RASGRP2: variants seen among roughly 807,000 people sequenced by gnomAD.
RASGRP2 encodes the protein RAS guanyl releasing protein 2, also known as RAS guanyl-releasing protein 2.
In RASGRP2, 44 loss-of-function variants were observed where a neutral mutation model predicts 71.0. The observed-to-expected ratio is 0.62, with a 90% confidence interval of 0.49 to 0.80. The LOEUF is 0.80. Ranked by LOEUF, RASGRP2 falls within the 30% of genes least tolerant of loss-of-function variation. The pLI is 0.00. For synonymous variants in RASGRP2, 350 were observed against 330.7 expected, an observed-to-expected ratio of 1.06 and a Z score of -0.63; for missense variants, 663 against 813.4, an observed-to-expected ratio of 0.82 and a Z score of 2.25.
intron 15 of RASGRP2, among the ~76,000 whole-genome samples, chr11:64,727,920 AT>A (rs2057626382): frequency 1.3e-5 from 2 of 152,182 alleles, no homozygotes; most frequent in Non-Finnish European, 2.9e-5. Context: ...TTTTGTGTGT[AT>A]TTCACATTTT....
Position 64,743,889 on chromosome 11 carries a change from C to T in RASGRP2, c.-72+114G>A. 5.4e-6 allele frequency: 4 copies of T among 740,764 alleles called. No individual in the cohort carries two copies. Among genetic ancestry groups the T allele is most frequent in the Non-Finnish European group, 6.8e-6 (4 of 591,140 alleles). The allele number at this position is 740,764 out of a possible 1,614,324, so 45.9% of individuals were successfully genotyped here. On this transcript the variant is annotated intron_variant, in intron 1 of 16. Coordinates refer to ENST00000394432, the MANE Select transcript of RASGRP2 (RefSeq NM_001098671.2). This position sits in a 1 kb window ranked among gnomAD's most constrained non-coding sequence, Gnocchi z 4.9. Reference sequence around the variant, plus strand: ...GGGACCTAAGTGGAGGTGCAGGCGTCCGCACTTACACGCACCGGGCCACAG... The same window carrying T: ...GGGACCTAAGTGGAGGTGCAGGCGTTCGCACTTACACGCACCGGGCCACAG...
chr11:64,739,756 G>C lies in RASGRP2; in HGVS notation c.576C>G (p.Val192=), dbSNP rs1337166384. The C allele has an allele frequency of 1.2e-6, 2 of 1,613,824 alleles. No homozygotes were observed. Among genetic ancestry groups the C allele is most frequent in the African/African-American group, 2.7e-5 (2 of 74,902 alleles). The part of the protein sequence containing the change: ...VTHGCTVDNP[V]LERFISLFNS... ...TGAAGAGGGAGATGAACCGCTCCAGGACGGGGTTGTCCACAGTGCAGCCAT... is the reference window on the plus strand; with the variant it reads ...TGAAGAGGGAGATGAACCGCTCCAGCACGGGGTTGTCCACAGTGCAGCCAT... The change falls in exon 7 of 17, where the codon GTC becomes GTG. Residue 192 remains valine, a synonymous_variant. Transcript: ENST00000394432. This position sits in a 1 kb window ranked among gnomAD's most constrained non-coding sequence, Gnocchi z 4.2.
chr11:64,741,175 A>G, intron 4 of RASGRP2, 96 bp from the exon 5 acceptor site: 1 of 1,468,654 alleles, frequency 6.8e-7, no homozygotes, highest in Non-Finnish European at 9.3e-7. Context: ...CTAAGCAAAA[A>G]GACCCTCAAA....
rs1338340813 is a variant in RASGRP2, at chr11:64,736,943, G to A, written c.905C>T (p.Pro302Leu). 1.2e-5 allele frequency: 20 copies of A among 1,613,920 alleles called. No individual in the cohort carries two copies. The highest frequency in any genetic ancestry group is 1.4e-5 in the Non-Finnish European group (17 of 1,180,038). ...GTCCTTGAGGTGCACACCCAGGATC[G>A]GGAAGCGGAAGCCCACACAGGCTGC... ...RLAACVGFRF[P>L]ILGVHLKDLV... The change falls in exon 9 of 17, where the codon CCG (proline) becomes CTG (leucine). Residue 302 changes from proline (P) to leucine (L), a missense_variant. Transcript: ENST00000394432.
chr11:64,731,296 C>T (rs1196090961), intron 12 of RASGRP2, among the ~76,000 whole-genome samples: 1 of 150,108 alleles, frequency 6.7e-6, no homozygotes, highest in Non-Finnish European at 1.5e-5. Flanking sequence ...GTGGAGGTTG[C>T]AGCGAGCCAA....
chr11:64,740,962 G>A lies in RASGRP2; in HGVS notation c.357C>T (p.Ile119=), dbSNP rs1261087127. 1.9e-6 allele frequency: 3 copies of A among 1,613,532 alleles called. No homozygotes were observed. The highest frequency in any genetic ancestry group is 4.5e-5 in the East Asian group (2 of 44,870). Residue 119 remains isoleucine (I), a synonymous_variant, in exon 5 of 17, where the codon ATC becomes ATT. Transcript: ENST00000394432. ...QEGNRRHSSL[I]DIDSVPTYKW... ...CCCCCACGCACACGCTGTCTATGTC[G>A]ATTAGGCTGCTGTGCCGTCGGTTCC...
At position 64,737,001 on chromosome 11, in the gene RASGRP2, T is replaced by TCG; in HGVS notation, c.845_846dup (p.Thr283ArgfsTer53). 1 of 1,613,862 alleles carries TCG rather than the reference T, an allele frequency of 6.2e-7. No individual in the cohort carries two copies. Among genetic ancestry groups the TCG allele is most frequent in the Non-Finnish European group, 8.5e-7 (1 of 1,180,010 alleles). ...CGCCGGTAGTTGCCATAGTTGCCTGTCGCCGTCACTAGTTCCGTGAGACCC... is the reference window on the plus strand; with the variant it reads ...CGCCGGTAGTTGCCATAGTTGCCTGTCGCGCCGTCACTAGTTCCGTGAGACCC... On this transcript the variant is annotated frameshift_variant, in exon 9 of 17. Coordinates refer to ENST00000394432, the MANE Select transcript of RASGRP2 (RefSeq NM_001098671.2). LOFTEE classifies it high-confidence loss of function.
At position 64,743,058 on chromosome 11, in the gene RASGRP2, G is replaced by C; in HGVS notation, c.-71-121C>G. 8.7e-7 allele frequency: 1 copy of C among 1,143,222 alleles called. No homozygotes were observed. The highest frequency in any genetic ancestry group is 1.3e-5 in the South Asian group (1 of 75,676). 70.8% of individuals were successfully genotyped at this position (1,143,222 alleles called of 1,614,324 possible). On this transcript the variant is annotated intron_variant, in intron 1 of 16. Transcript: ENST00000394432. This position sits in a 1 kb window ranked among gnomAD's most constrained non-coding sequence, Gnocchi z 4.9. Reference sequence around the variant, plus strand: ...GGACAGGGGCGGAGTTGTCCCCCGCGGCCACTCCCGGGGTTAAACGGTCTG... The same window carrying C: ...GGACAGGGGCGGAGTTGTCCCCCGCCGCCACTCCCGGGGTTAAACGGTCTG...
chr11:64,731,007 T>C (rs749985079), intron 12 of RASGRP2, among the ~76,000 whole-genome samples: 1 of 152,334 alleles, frequency 6.6e-6, no homozygotes, highest in South Asian at 2.1e-4. Context: ...GGGCTCATAA[T>C]GTGTGATCCA....
intron 12 of RASGRP2, among the ~76,000 whole-genome samples, chr11:64,731,397 A>G (rs1415767392): frequency 6.6e-6 from 1 of 151,772 alleles, no homozygotes; most frequent in Non-Finnish European, 1.5e-5. Flanking sequence ...ATAATTTTAT[A>G]ATCTTGAGGG....
chr11:64,743,377 AATTTCTCCCT>A lies in RASGRP2; in HGVS notation c.-71-450_-71-441del, dbSNP rs759650104. 5.1e-6 allele frequency: 2 copies of A among 391,314 alleles called. No individual in the cohort carries two copies. Among genetic ancestry groups the A allele is most frequent in the South Asian group, 3.6e-5 (2 of 55,002 alleles). 24.2% of individuals were successfully genotyped at this position (391,314 alleles called of 1,614,324 possible). ...CCAGAGCCTGAGGGGACCTCGGAGG[AATTTCTCCCT>A]GGTATGGGAGGTGGGGGGAGAGAAC... On this transcript the variant is annotated intron_variant, in intron 1 of 16. Coordinates refer to ENST00000394432, the MANE Select transcript of RASGRP2 (RefSeq NM_001098671.2). This position sits in a 1 kb window ranked among gnomAD's most constrained non-coding sequence, Gnocchi z 4.9.
At chr11:64,727,513 T>A in intron 15 of RASGRP2, 153 bp from the exon 16 acceptor site, 1 of 544,086 alleles carries the variant, frequency 1.8e-6, no homozygotes. Flanking sequence ...CCAATTTTTT[T>A]TTTTTTTTTT....
In RASGRP2 at chr11:64,741,045, A is replaced by C. The variant is rs2058105141; in HGVS notation, c.274T>G (p.Leu92Val). Reference protein sequence around the residue: ...WISAFPAEFDLNPELAEQIKE... With the variant: ...WISAFPAEFDVNPELAEQIKE... ...ATCTGCTCAGCCAACTCCGGGTTCA[A>C]GTCAAACTCCGCTGGGAAGGCGGAG... is the stretch of plus-strand genomic sequence containing the variant. The change falls in exon 5 of 17, where the codon TTG becomes GTG. Residue 92 changes from leucine (L) to valine (V), a missense_variant. By Grantham distance (32) the Leu-to-Val change is conservative (BLOSUM62 1). Transcript: ENST00000394432. 6.2e-7 allele frequency: 1 copy of C among 1,613,698 alleles called. No homozygotes were observed. Among genetic ancestry groups the C allele is most frequent in the Non-Finnish European group, 8.5e-7 (1 of 1,180,018 alleles).
At chr11:64,740,744 TG>T in intron 5 of RASGRP2, 1 of 712,214 alleles carries the variant, frequency 1.4e-6, no homozygotes, top group South Asian at 1.5e-5. Flanking sequence ...AGGAGGTGTG[TG>T]GGATGGGTGG....
In RASGRP2 at chr11:64,728,982, C is replaced by T. The variant is rs1256838050; in HGVS notation, c.1652G>A (p.Arg551Lys). The T allele has an allele frequency of 6.2e-7, 1 of 1,610,164 alleles. No individual in the cohort carries two copies. Among genetic ancestry groups the T allele is most frequent in the African/African-American group, 1.3e-5 (1 of 75,028 alleles). The change falls in exon 15 of 17, where the codon AGG becomes AAG. Residue 551 changes from arginine to lysine, a missense_variant. Physicochemically the swap from Arg to Lys is conservative, Grantham distance 26. Coordinates refer to ENST00000394432, the MANE Select transcript of RASGRP2 (RefSeq NM_001098671.2). ...KDRLSVECRR[R>K]AQSVSLEGSA... Reference sequence around the variant, plus strand: ...CCCCTCCAGGCTCACACTCTGGGCCCTGCGCCGACACTCAACTGACAGGCG... The same window carrying T: ...CCCCTCCAGGCTCACACTCTGGGCCTTGCGCCGACACTCAACTGACAGGCG...
rs1328398745 is a variant in RASGRP2, at chr11:64,735,543, TCCACCATCTTCTCGATGTG to T, written c.1276_1294del (p.His426SerfsTer87). ...TGCTCAGGCTCCGCAGGAGCTCACC[TCCACCATCTTCTCGATGTG>T]CTCCACCACGAGGGCCTGATCCAGC... On this transcript the variant is annotated frameshift_variant and splice_region_variant, in exon 11 of 17. Coordinates refer to ENST00000394432, the MANE Select transcript of RASGRP2 (RefSeq NM_001098671.2). LOFTEE classifies it high-confidence loss of function. This position sits in a 1 kb window ranked among gnomAD's most constrained non-coding sequence, Gnocchi z 4.2. 27 of 1,613,868 alleles carry T rather than the reference TCCACCATCTTCTCGATGTG, an allele frequency of 1.7e-5. No individual in the cohort carries two copies. The highest frequency in any genetic ancestry group is 2.3e-5 in the Non-Finnish European group (27 of 1,180,008).
At position 64,737,668 on chromosome 11, in the gene RASGRP2, G is replaced by A. The variant is rs572313205; in HGVS notation, c.814-634C>T. ...GCACTCCAGCCTGGCGACAGAGCAA[G>A]ACTCCATCTCAAAAAAAAAAAAAAA... On this transcript the variant is annotated intron_variant, in intron 8 of 16. Transcript: ENST00000394432. 4.3e-3 allele frequency among the ~76,000 whole-genome samples: 380 copies of A among 87,996 alleles called. 3 individuals are homozygous for A. Among genetic ancestry groups the A allele is most frequent in the Admixed American group, 0.013 (72 of 5,668 alleles). 57.7% of individuals were successfully genotyped at this position (87,996 alleles called of 152,430 possible).
At chr11:64,744,873 GCCCCCGCCCCCGCGCCAGGCTGC>G (rs2058256957), upstream of RASGRP2, 1 of 75,866 alleles carries the variant, frequency 1.3e-5, no homozygotes, top group Admixed American at 1.1e-4. Context: ...CCGCCGCCCC[GCCCCCGCCCCCGCGCCAGGCTGC>G]CCCCTCCCCC....
chr11:64,743,297 C>CT lies in RASGRP2; in HGVS notation c.-71-361dup, dbSNP rs1255757552. 4.3e-6 allele frequency: 2 copies of CT among 464,490 alleles called. No homozygotes were observed. The highest frequency in any genetic ancestry group is 8.6e-6 in the Non-Finnish European group (2 of 233,536). The allele number at this position is 464,490 out of a possible 1,614,324, so 28.8% of individuals were successfully genotyped here. A position where few individuals can be genotyped will look rare whatever the true frequency, so the allele number is the denominator to read the frequency against. Reference sequence around the variant, plus strand: ...CACCCCGCAGCTCGGCTCTGCGCCCCTCCCGCTTCCCTCCCTCCACAGCCT... The same window carrying CT: ...CACCCCGCAGCTCGGCTCTGCGCCCCTTCCCGCTTCCCTCCCTCCACAGCCT... On this transcript the variant is annotated intron_variant, in intron 1 of 16. Coordinates refer to ENST00000394432, the MANE Select transcript of RASGRP2 (RefSeq NM_001098671.2). The surrounding 1 kb of genome is among the most constrained non-coding windows in gnomAD (Gnocchi z 4.9).
Sources: gnomAD v4.1 joint callset for allele counts (sites outside exome capture counted in the v4.1 genomes callset) on GRCh38, gnomAD v4.1.1 for gene constraint, Gnocchi (gnomAD v3.1) non-coding constraint, MANE v1.5 for transcripts, NCBI Gene and HGNC (gene_info 2026-07-23, HGNC 2026-07-21) for gene names.